CCDC102B: variants seen among roughly 807,000 people sequenced by gnomAD.
CCDC102B encodes coiled-coil domain containing 102B.
CCDC102B carries 75 observed loss-of-function variants against 57.4 expected under a neutral mutation model. That is an observed-to-expected ratio of 1.31 (90% CI 1.08 to 1.58). The LOEUF is 1.58. Among genes scored for constraint, CCDC102B ranks in the 40% most tolerant of loss-of-function variants. The pLI is 0.00. For synonymous variants in CCDC102B, 206 were observed against 201.9 expected (o/e 1.02, Z -0.17); for missense variants, 636 against 582.6 (o/e 1.09, Z -0.94).
At chr18:68,917,316 T>C (rs2041108755) in intron 6 of CCDC102B, among the ~76,000 whole-genome samples, 1 of 152,070 alleles carries the variant, frequency 6.6e-6, no homozygotes, top group South Asian at 2.1e-4. Context: ...GGGTTGGTCA[T>C]GGAATTTCCA....
intron 6 of CCDC102B, among the ~76,000 whole-genome samples, chr18:68,919,830 G>C (rs1184562359): frequency 6.6e-6 from 1 of 151,984 alleles, no homozygotes; most frequent in East Asian, 1.9e-4. Context: ...TAATTGTTGT[G>C]GTGAATTTTG....
chr18:68,823,026 T>C (rs1421623347), intron 1 of CCDC102B, among the ~76,000 whole-genome samples: 1 of 152,100 alleles, frequency 6.6e-6, no homozygotes, highest in Non-Finnish European at 1.5e-5. Flanking sequence ...GTACCTCTGA[T>C]TGGTCTGGGG....
At chr18:68,916,114 A>G (rs751854574) in intron 6 of CCDC102B, among the ~76,000 whole-genome samples, 2 of 151,944 alleles carry the variant, frequency 1.3e-5, no homozygotes, top group Non-Finnish European at 2.9e-5. Flanking sequence ...TTTTCTTAAT[A>G]TTAGATCAGT....
chr18:68,722,682 G>T (rs1298256058), intron 2 of CCDC102B, among the ~76,000 whole-genome samples: 4 of 152,096 alleles, frequency 2.6e-5, no homozygotes, highest in Non-Finnish European at 4.4e-5. Flanking sequence ...GAACAAATGG[G>T]CAGAGTACCC....
intron 6 of CCDC102B, among the ~76,000 whole-genome samples, chr18:68,929,384 G>A (rs912603949): frequency 2.0e-5 from 3 of 151,778 alleles, no homozygotes; most frequent in Admixed American, 6.6e-5. Context: ...ATCCTTCTGA[G>A]TTTTCCACTT....
rs1021152147 is a variant in CCDC102B at position 68,867,945 on chromosome 18, A to C, written c.937-6724A>C. 6.0e-5 allele frequency among the ~76,000 whole-genome samples: 9 copies of C among 151,018 alleles called. No individual in the cohort carries two copies. The South Asian group carries it at 1.7e-3, about 28-fold the overall frequency. On this transcript the variant is annotated intron_variant, in intron 4 of 7. Transcript: ENST00000360242. ...GTAAGACTCCGTCTCAAAACAAAACAAAAAAAAAGGGCTAGTTAGTTGGAG... is the reference window on the plus strand; with the variant it reads ...GTAAGACTCCGTCTCAAAACAAAACCAAAAAAAAGGGCTAGTTAGTTGGAG...
chr18:68,728,111 G>T (rs1312406350), intron 2 of CCDC102B, among the ~76,000 whole-genome samples: 7 of 152,148 alleles, frequency 4.6e-5, no homozygotes, highest in African/African-American at 1.7e-4. Context: ...TGAAATGAGT[G>T]GACATTCTGG....
intron 6 of CCDC102B, among the ~76,000 whole-genome samples, chr18:68,985,135 T>C (rs530730758): frequency 6.6e-6 from 1 of 152,278 alleles, no homozygotes; most frequent in South Asian, 2.1e-4. Context: ...GCAAATGCTC[T>C]GTCAAAAATG....
chr18:68,801,527 AT>A (rs1011173617), intron 1 of CCDC102B, among the ~76,000 whole-genome samples: 23 of 152,194 alleles, frequency 1.5e-4, no homozygotes, highest in African/African-American at 5.3e-4. Flanking sequence ...TGATAGAAGG[AT>A]TTTTTTAGTA....
At chr18:69,009,924 ATTT>A (rs770668683) in intron 6 of CCDC102B, among the ~76,000 whole-genome samples, 52 of 33,528 alleles carry the variant, frequency 1.6e-3, no homozygotes, top group Middle Eastern at 0.05. Context: ...TTTAATAAAG[ATTT>A]TTTTTTTTTT....
intron 2 of CCDC102B, among the ~76,000 whole-genome samples, chr18:68,749,952 C>T (rs1360225651): frequency 6.6e-6 from 1 of 152,130 alleles, no homozygotes; most frequent in Non-Finnish European, 1.5e-5. Context: ...AACTAAACAG[C>T]TTCTGCACAG....
intron 5 of CCDC102B, among the ~76,000 whole-genome samples, chr18:68,875,906 A>T (rs988931617): frequency 1.3e-5 from 2 of 152,120 alleles, no homozygotes; most frequent in African/African-American, 4.8e-5. Context: ...ATCCGTTGAC[A>T]GCTCTTCTAT....
Position 68,847,544 on chromosome 18 carries a change from C to CA in CCDC102B, c.936+1125dup, listed in dbSNP as rs558159884. On this transcript the variant is annotated intron_variant, in intron 4 of 7. Transcript: ENST00000360242. ...TATGTAGCAAATATACTGAAAAAGT[C>CA]AAGTTTTTGAGTTGGTTTAAAAAGC... Among the ~76,000 whole-genome samples the CA allele has an allele frequency of 2.2e-3, 333 of 151,776 alleles. 1 individual carries two copies. The highest frequency in any genetic ancestry group is 3.8e-3 in the Non-Finnish European group (255 of 67,774).
chr18:68,838,481 CT>C, intron 2 of CCDC102B: 5 of 985,158 alleles, frequency 5.1e-6, no homozygotes, highest in Non-Finnish European at 6.0e-6. Context: ...TAAAGCAGAA[CT>C]TTTGAGAAAT....
At chr18:69,043,069 G>A (rs2052471609) in intron 7 of CCDC102B, among the ~76,000 whole-genome samples, 1 of 152,122 alleles carries the variant, frequency 6.6e-6, no homozygotes, top group Non-Finnish European at 1.5e-5. Flanking sequence ...ATGTGTCAGG[G>A]TCACAAGACA....
chr18:68,715,270 T>G (rs2031870366), exon 1 of CCDC102B: 8 of 1,303,290 alleles, frequency 6.1e-6, no homozygotes, highest in Admixed American at 7.6e-5. Context: ...GTGGGAACCC[T>G]GCTTAAGGGC....
chr18:68,739,452 T>A (rs2033290880), intron 2 of CCDC102B, among the ~76,000 whole-genome samples: 1 of 152,212 alleles, frequency 6.6e-6, no homozygotes, highest in Non-Finnish European at 1.5e-5. Flanking sequence ...CAGATACCTG[T>A]TCACTACTGG....
chr18:68,860,789 C>T (rs1304044805), intron 4 of CCDC102B, among the ~76,000 whole-genome samples: 2 of 120,460 alleles, frequency 1.7e-5, no homozygotes, highest in East Asian at 5.1e-4. Context: ...CCATTTATAG[C>T]ACACTATATA....
upstream of CCDC102B, among the ~76,000 whole-genome samples, chr18:68,796,173 A>C (rs2035622422): frequency 6.6e-6 from 1 of 152,210 alleles, no homozygotes; most frequent in African/African-American, 2.4e-5. Flanking sequence ...ACAGAGAGAC[A>C]CTGCAGTGAT....
Sources: gnomAD v4.1 joint callset for allele counts (sites outside exome capture counted in the v4.1 genomes callset) on GRCh38, gnomAD v4.1.1 for gene constraint, MANE v1.5 for transcripts, NCBI Gene and HGNC (gene_info 2026-07-23, HGNC 2026-07-21) for gene names.